Variants in FNIP2 observed in about 807,000 individuals in gnomAD.
FNIP2 encodes folliculin-interacting protein 2.
FNIP2 carries 32 observed loss-of-function variants against 108.7 expected under a neutral mutation model. The ratio of observed to expected loss-of-function variants is 0.29; its 90% CI spans 0.22 to 0.40. The LOEUF is 0.40. FNIP2 is among the 10% of genes least tolerant of loss of function. The pLI is 1.00. For missense variants in FNIP2, 1,202 were observed against 1,381.6 expected, an observed-to-expected ratio of 0.87 and a Z score of 2.06; for synonymous variants, 480 against 496.7, an observed-to-expected ratio of 0.97 and a Z score of 0.45.
rs1289487803 is a variant in FNIP2, at chr4:158,906,122, A to C, written c.*1578A>C. ...TCATTCATTGAAAATTGAAATGTTC[A>C]TTCTTTTTAATGTTTTCCTATTTCC... On this transcript the variant is annotated 3_prime_UTR_variant, in exon 17 of 17. Coordinates refer to ENST00000264433, the MANE Select transcript of FNIP2 (RefSeq NM_020840.3). 1 of 152,192 alleles carries C rather than the reference A, an allele frequency of 6.6e-6. No homozygotes were observed. The highest frequency in any genetic ancestry group is 1.5e-5 in the Non-Finnish European group (1 of 68,036). 9.4% of individuals were successfully genotyped at this position (152,192 alleles called of 1,614,324 possible).
At chr4:158,879,667 T>C (rs2126737977) in intron 14 of FNIP2, among the ~76,000 whole-genome samples, 1 of 150,342 alleles carries the variant, frequency 6.7e-6, no homozygotes, top group Middle Eastern at 3.4e-3. Flanking sequence ...ACCTACAGAA[T>C]GGGAGAAAAT....
intron 14 of FNIP2, among the ~76,000 whole-genome samples, chr4:158,885,260 A>G (rs1042397429): frequency 2.0e-5 from 3 of 152,152 alleles, no homozygotes; most frequent in Non-Finnish European, 4.4e-5. Context: ...CCCTTCCTCG[A>G]CATGGGATTA....
intron 12 of FNIP2, among the ~76,000 whole-genome samples, chr4:158,866,867 G>A (rs769043587): frequency 1.3e-4 from 20 of 152,304 alleles, no homozygotes; most frequent in Admixed American, 3.9e-4. Context: ...ATGAGCCACC[G>A]CACCCAGCTG....
chr4:158,884,553 C>T (rs1403910300), intron 14 of FNIP2, among the ~76,000 whole-genome samples: 2 of 152,024 alleles, frequency 1.3e-5, no homozygotes, highest in Non-Finnish European at 2.9e-5. Context: ...GGATTGTGGA[C>T]TTGAGATGGG....
intron 1 of FNIP2, 80 bp from the exon 2 acceptor site, chr4:158,825,836 G>A: frequency 6.6e-7 from 1 of 1,522,402 alleles, no homozygotes; most frequent in Non-Finnish European, 9.0e-7. Context: ...CACAGGCATG[G>A]TGACTGGGAA....
chr4:158,865,428 A>G (rs1426791279), intron 12 of FNIP2, among the ~76,000 whole-genome samples: 3 of 152,256 alleles, frequency 2.0e-5, no homozygotes, highest in Non-Finnish European at 4.4e-5. Context: ...ATAATGTAAT[A>G]GCACTGGTTC....
intron 5 of FNIP2, among the ~76,000 whole-genome samples, chr4:158,832,625 T>G (rs1370378374): frequency 6.6e-6 from 1 of 152,200 alleles, no homozygotes; most frequent in Non-Finnish European, 1.5e-5. Flanking sequence ...AGGGGTCAAG[T>G]AAAAGCTGTT....
At chr4:158,791,051 A>C (rs1194105162) in intron 1 of FNIP2, among the ~76,000 whole-genome samples, 1 of 152,062 alleles carries the variant, frequency 6.6e-6, no homozygotes, top group African/African-American at 2.4e-5. Context: ...ACCTAACCTA[A>C]TTTAATGGAA....
chr4:158,780,133 A>T (rs1380341762), intron 1 of FNIP2, among the ~76,000 whole-genome samples: 1 of 152,014 alleles, frequency 6.6e-6, no homozygotes, highest in African/African-American at 2.4e-5. Flanking sequence ...GCTTGAACCC[A>T]AGAGGTTGAG....
intron 7 of FNIP2, chr4:158,835,749 A>T: frequency 3.7e-6 from 1 of 270,150 alleles, no homozygotes; most frequent in Non-Finnish European, 7.3e-6. Context: ...CCTTGAGCCC[A>T]TTGTACTAGT....
At chr4:158,880,596 TAAAAA>T (rs1159834869) in intron 14 of FNIP2, among the ~76,000 whole-genome samples, 1 of 152,086 alleles carries the variant, frequency 6.6e-6, no homozygotes, top group African/African-American at 2.4e-5. Context: ...ATAATAATAA[TAAAAA>T]AAATTCTAGC....
chr4:158,891,351 G>T (rs1173579278), intron 14 of FNIP2, 95 bp from the exon 15 acceptor site: 4 of 1,208,042 alleles, frequency 3.3e-6, no homozygotes, highest in Non-Finnish European at 4.6e-6. Flanking sequence ...TGGCTGTCAA[G>T]AATTTTACAT....
At chr4:158,835,162 A>T in intron 6 of FNIP2, 1 of 209,082 alleles carries the variant, frequency 4.8e-6, no homozygotes, top group Non-Finnish European at 9.7e-6. Context: ...AACATCACTC[A>T]GAAAAGTTTG....
chr4:158,814,522 T>C (rs1777457703), intron 1 of FNIP2, among the ~76,000 whole-genome samples: 1 of 152,218 alleles, frequency 6.6e-6, no homozygotes, highest in Admixed American at 6.5e-5. Context: ...CCTTCTGGAA[T>C]TGGTGTCTCT....
chr4:158,794,624 T>A (rs1351650203), intron 1 of FNIP2: 1 of 152,448 alleles, frequency 6.6e-6, no homozygotes, highest in African/African-American at 2.4e-5. Context: ...TTGCGTGTCA[T>A]CCTTGTGCAG....
chr4:158,858,560 T>C (rs959226458), intron 8 of FNIP2, among the ~76,000 whole-genome samples: 1 of 152,206 alleles, frequency 6.6e-6, no homozygotes, highest in African/African-American at 2.4e-5. Context: ...CTTAATCATA[T>C]GGCTTAATCT....
chr4:158,819,275 A>G (rs979262860), intron 1 of FNIP2, among the ~76,000 whole-genome samples: 5 of 152,236 alleles, frequency 3.3e-5, no homozygotes, highest in Non-Finnish European at 7.3e-5. Context: ...TTTCCTTTAC[A>G]AAAGGAATAA....
At chr4:158,889,987 G>T in intron 14 of FNIP2, 1 of 985,310 alleles carries the variant, frequency 1.0e-6, no homozygotes, top group Non-Finnish European at 1.2e-6. Context: ...GAAGCGTAGG[G>T]GTGAAAGGGT....
In FNIP2 at chr4:158,843,369, A is replaced by T. The variant is rs540255607; in HGVS notation, c.727+7893A>T. ...TGTCACACTTGAAGAGATGGGTATC[A>T]CTGTCATCCTGCACATACTGTTTGC... On this transcript the variant is annotated intron_variant, in intron 7 of 16. Transcript: ENST00000264433. 5.9e-5 allele frequency among the ~76,000 whole-genome samples: 9 copies of T among 152,318 alleles called. No homozygotes were observed. In the South Asian group the frequency reaches 1.9e-3, roughly 32 times the overall value.
Sources: allele counts gnomAD v4.1 joint callset (sites outside exome capture counted in the v4.1 genomes callset), GRCh38; gene constraint gnomAD v4.1.1; transcripts MANE v1.5; gene names NCBI Gene and HGNC (gene_info 2026-07-23, HGNC 2026-07-21).